The following CYBRD1 variants were observed in gnomAD, a reference collection of about 807,000 sequenced individuals.
CYBRD1 encodes cytochrome b reductase 1.
CYBRD1 carries 14 observed loss-of-function variants against 21.9 expected under a neutral mutation model. That is an observed-to-expected ratio of 0.64 (90% confidence interval 0.42 to 1.00). CYBRD1 has a LOEUF of 1.00. Among genes scored for constraint, CYBRD1 ranks in the 50% least tolerant of loss-of-function variants. The pLI, the probability that CYBRD1 is intolerant of heterozygous loss-of-function variation, is 0.00. For synonymous variants in CYBRD1, 146 were observed against 136.5 expected, an observed-to-expected ratio of 1.07 and a Z score of -0.48; for missense variants, 328 against 352.5, an observed-to-expected ratio of 0.93 and a Z score of 0.56.
intron 1 of CYBRD1, among the ~76,000 whole-genome samples, chr2:171,540,187 G>A (rs145848932): frequency 1.3e-5 from 2 of 152,100 alleles, no homozygotes; most frequent in Non-Finnish European, 2.9e-5. Flanking sequence ...CCTTCCCCAC[G>A]AAGGCAACTA....
intron 1 of CYBRD1, among the ~76,000 whole-genome samples, chr2:171,532,206 A>T (rs1434016190): frequency 6.6e-6 from 1 of 152,220 alleles, no homozygotes; most frequent in Non-Finnish European, 1.5e-5. Context: ...GAGGGAAATG[A>T]GTTGTGGAGA....
chr2:171,526,267 G>A (rs1432410204), intron 1 of CYBRD1, among the ~76,000 whole-genome samples: 3 of 150,114 alleles, frequency 2.0e-5, no homozygotes, highest in Non-Finnish European at 4.4e-5. Flanking sequence ...ATTCTGTCTC[G>A]AAAAAAAAAG....
chr2:171,536,408 G>A lies in CYBRD1; in HGVS notation c.194-5177G>A, dbSNP rs147100691. Among the ~76,000 whole-genome samples the A allele has an allele frequency of 7.8e-3, 1,182 of 152,144 alleles. 14 individuals carry two copies. Among genetic ancestry groups the A allele is most frequent in the African/African-American group, 0.027 (1,120 of 41,496 alleles). ...CAACCTCCGCCTCCCGGGTTCAAGC[G>A]ATCCTCCTGCCTCAAGCCTCCCAAG... is the stretch of plus-strand genomic sequence containing the variant. On this transcript the variant is annotated intron_variant, in intron 1 of 3. Coordinates refer to ENST00000321348, the MANE Select transcript of CYBRD1 (RefSeq NM_024843.4).
At chr2:171,534,845 A>G (rs1346931921) in intron 1 of CYBRD1, among the ~76,000 whole-genome samples, 2 of 152,230 alleles carry the variant, frequency 1.3e-5, no homozygotes, top group African/African-American at 4.8e-5. Context: ...CACGACCCAG[A>G]TTTAACAGAT....
intron 1 of CYBRD1, among the ~76,000 whole-genome samples, chr2:171,535,263 G>A (rs941399426): frequency 6.6e-6 from 1 of 152,100 alleles, no homozygotes; most frequent in Non-Finnish European, 1.5e-5. Context: ...CACCTCTCCT[G>A]CTTCAGAAAC....
rs190736002 is a variant in CYBRD1 at position 171,530,054 on chromosome 2, A to G, written c.193+7316A>G. On this transcript the variant is annotated intron_variant, in intron 1 of 3. Coordinates refer to ENST00000321348, the MANE Select transcript of CYBRD1 (RefSeq NM_024843.4). Reference sequence around the variant, plus strand: ...AAGGAGATTTGAGACAAAGACACACAGAGAAGAAGGCTATGTGAAGACAGG... The same window carrying G: ...AAGGAGATTTGAGACAAAGACACACGGAGAAGAAGGCTATGTGAAGACAGG... 4.5e-3 allele frequency among the ~76,000 whole-genome samples: 683 copies of G among 152,312 alleles called. 2 individuals carry two copies. The highest frequency in any genetic ancestry group is 0.011 in the South Asian group (53 of 4,822).
At chr2:171,536,133 C>CT (rs71013042) in intron 1 of CYBRD1, among the ~76,000 whole-genome samples, 41,265 of 110,046 alleles carry the variant, frequency 0.37, 9,824 homozygotes, top group Middle Eastern at 0.49. Flanking sequence ...GATAGTTACT[C>CT]TTTTTTTTTT....
At chr2:171,527,479 A>G (rs1303792554) in intron 1 of CYBRD1, among the ~76,000 whole-genome samples, 1 of 152,198 alleles carries the variant, frequency 6.6e-6, no homozygotes, top group Admixed American at 6.5e-5. Flanking sequence ...ACTTGTGACG[A>G]TAACAATAGT....
chr2:171,553,281 A>T (rs1574446031), intron 2 of CYBRD1, 65 bp from the exon 3 acceptor site: 3 of 1,172,964 alleles, frequency 2.6e-6, no homozygotes, highest in Non-Finnish European at 3.5e-6. Context: ...ATTGCTTTTT[A>T]AATAATTTAA....
chr2:171,526,328 C>A, intron 1 of CYBRD1, among the ~76,000 whole-genome samples: 1 of 151,828 alleles, frequency 6.6e-6, no homozygotes, highest in South Asian at 2.1e-4. Flanking sequence ...CAAAACAAAT[C>A]TCCCTCTCCT....
chr2:171,531,541 G>A (rs1000245864), intron 1 of CYBRD1, among the ~76,000 whole-genome samples: 3 of 152,004 alleles, frequency 2.0e-5, no homozygotes, highest in East Asian at 3.9e-4. Context: ...TCGACCTCCC[G>A]GGCCCAAGTG....
intron 1 of CYBRD1, among the ~76,000 whole-genome samples, chr2:171,531,491 A>G (rs1697466443): frequency 6.6e-6 from 1 of 152,094 alleles, no homozygotes; most frequent in African/African-American, 2.4e-5. Context: ...TCTGTCAGCC[A>G]GGCTGGAGTG....
chr2:171,536,290 C>G (rs1473632684), intron 1 of CYBRD1, among the ~76,000 whole-genome samples: 2 of 151,884 alleles, frequency 1.3e-5, no homozygotes, highest in African/African-American at 2.4e-5. Context: ...TAAGCACATG[C>G]TACCATGCCC....
At chr2:171,550,292 G>T (rs993531483) in intron 2 of CYBRD1, among the ~76,000 whole-genome samples, 4 of 152,084 alleles carry the variant, frequency 2.6e-5, no homozygotes, top group African/African-American at 7.2e-5. Context: ...TTTTAGTAGA[G>T]ATGGGGTTTT....
In CYBRD1 at chr2:171,522,787, C is replaced by T; in HGVS notation, c.193+49C>T. 2 of 1,609,712 alleles carry T rather than the reference C, an allele frequency of 1.2e-6. No individual in the cohort carries two copies. Among genetic ancestry groups the T allele is most frequent in the South Asian group, 2.2e-5 (2 of 90,086 alleles). ...GCGGGGAGGAAAGCGGGGAGAACGG[C>T]GGGGGCAGAGGGTCCTCCGTGAAGC... On this transcript the variant is annotated intron_variant, in intron 1 of 3. Coordinates refer to ENST00000321348, the MANE Select transcript of CYBRD1 (RefSeq NM_024843.4). The surrounding 1 kb of genome is among the most constrained non-coding windows in gnomAD (Gnocchi z 4.3).
At chr2:171,537,077 A>C (rs986586674) in intron 1 of CYBRD1, among the ~76,000 whole-genome samples, 4 of 152,148 alleles carry the variant, frequency 2.6e-5, no homozygotes, top group Admixed American at 6.5e-5. Context: ...CACAGAGTTG[A>C]GGTGAGAATT....
intron 1 of CYBRD1, among the ~76,000 whole-genome samples, chr2:171,537,932 T>A (rs745952862): frequency 2.0e-5 from 3 of 152,188 alleles, no homozygotes; most frequent in Non-Finnish European, 4.4e-5. Context: ...CATTGTATGT[T>A]TTGAAACATT....
chr2:171,530,412 G>C (rs1697447844), intron 1 of CYBRD1, among the ~76,000 whole-genome samples: 1 of 152,146 alleles, frequency 6.6e-6, no homozygotes, highest in Non-Finnish European at 1.5e-5. Context: ...TTTACCAATT[G>C]GGTCAGTTTT....
At chr2:171,549,552 C>T (rs2105345475) in intron 2 of CYBRD1, among the ~76,000 whole-genome samples, 1 of 152,278 alleles carries the variant, frequency 6.6e-6, no homozygotes, top group South Asian at 2.1e-4. Flanking sequence ...AGAACCTCTG[C>T]TGCTGCTACA....
Sources: allele counts gnomAD v4.1 joint callset (sites outside exome capture counted in the v4.1 genomes callset), GRCh38; gene constraint gnomAD v4.1.1; non-coding constraint Gnocchi (gnomAD v3.1); transcripts MANE v1.5; gene names NCBI Gene and HGNC (gene_info 2026-07-23, HGNC 2026-07-21).